Variants in TPCN1 observed in about 807,000 individuals in gnomAD.
TPCN1 encodes two pore segment channel 1, also known as two pore channel protein 1.
In TPCN1, 52 loss-of-function variants were observed where a neutral mutation model predicts 108.8. The observed-to-expected ratio is 0.48, with a 90% CI of 0.38 to 0.60. TPCN1 has a LOEUF of 0.60. Among genes scored for constraint, TPCN1 ranks in the 20% least tolerant of loss-of-function variants. The pLI is 0.00. For synonymous variants in TPCN1, 446 were observed against 433.7 expected (o/e 1.03, Z -0.35); for missense variants, 806 against 1,072.8 (o/e 0.75, Z 3.47).
chr12:113,278,153 C>T (rs1377485971), intron 12 of TPCN1, 36 bp from the exon 13 acceptor site: 4 of 1,587,034 alleles, frequency 2.5e-6, no homozygotes, highest in Non-Finnish European at 3.5e-6. Flanking sequence ...GAACTATGTT[C>T]TGATATTTTG....
In TPCN1 at chr12:113,295,890, TGACCTTGTGG is replaced by T. The variant is rs1033775400; in HGVS notation, c.2335-68_2335-59del. On this transcript the variant is annotated intron_variant, in intron 27 of 27. Coordinates refer to ENST00000335509, the MANE Select transcript of TPCN1 (RefSeq NM_017901.6). ...TCCAGCCTGGATGCTGTGGGCTGTGTGACCTTGTGGGGTGGGCGGGGCAGGGGGTGGGGTG... is the reference window on the plus strand; with the variant it reads ...TCCAGCCTGGATGCTGTGGGCTGTGTGGTGGGCGGGGCAGGGGGTGGGGTG... 2,341 of 1,462,154 alleles carry T rather than the reference TGACCTTGTGG, an allele frequency of 1.6e-3. 3 individuals carry two copies. The highest frequency in any genetic ancestry group is 2.0e-3 in the Non-Finnish European group (2,152 of 1,085,634). 90.6% of individuals were successfully genotyped at this position (1,462,154 alleles called of 1,614,324 possible).
intron 10 of TPCN1, among the ~76,000 whole-genome samples, chr12:113,274,281 T>C (rs2136658222): frequency 6.6e-6 from 1 of 152,178 alleles, no homozygotes; most frequent in East Asian, 1.9e-4. Flanking sequence ...GGTGAAACCC[T>C]GTCTCTACTT....
intron 2 of TPCN1, among the ~76,000 whole-genome samples, chr12:113,258,057 T>G (rs1462202081): frequency 1.3e-5 from 2 of 152,234 alleles, no homozygotes; most frequent in Non-Finnish European, 2.9e-5. Context: ...ATGGATATGT[T>G]ATCTTGATTG....
In TPCN1 at chr12:113,273,203, C is replaced by G; in HGVS notation, c.784-29C>G. The G allele has an allele frequency of 6.2e-7, 1 of 1,612,640 alleles. No homozygotes were observed. Among genetic ancestry groups the G allele is most frequent in the Non-Finnish European group, 8.5e-7 (1 of 1,178,592 alleles). On this transcript the variant is annotated intron_variant, in intron 8 of 27. Coordinates refer to ENST00000335509, the MANE Select transcript of TPCN1 (RefSeq NM_017901.6). The surrounding 1 kb of genome is among the most constrained non-coding windows in gnomAD (Gnocchi z 4.0). ...ATGGCCGTGTGCTCTTGGCTGGTCCCGACTTCTCTGCCCTCTCTTCCCTTG... is the reference window on the plus strand; with the variant it reads ...ATGGCCGTGTGCTCTTGGCTGGTCCGGACTTCTCTGCCCTCTCTTCCCTTG...
At position 113,260,414 on chromosome 12, in the gene TPCN1, C is replaced by T. The variant is rs374047898; in HGVS notation, c.159C>T (p.Ser53=). ...AIHDSQAPSL[S]SGGESSPSSP... is the part of the protein sequence containing the mutation. Reference sequence around the variant, plus strand: ...ACGACTCCCAGGCCCCCAGTCTCAGCTCTGGGGGTGAGAGTTCCCCCTCCA... The same window carrying T: ...ACGACTCCCAGGCCCCCAGTCTCAGTTCTGGGGGTGAGAGTTCCCCCTCCA... The change falls in exon 3 of 28, where the codon AGC becomes AGT. Residue 53 remains serine, a synonymous_variant. Coordinates refer to ENST00000335509, the MANE Select transcript of TPCN1 (RefSeq NM_017901.6). The T allele has an allele frequency of 1.3e-6, 2 of 1,546,872 alleles. No homozygotes were observed. The highest frequency in any genetic ancestry group is 2.8e-5 in the African/African-American group (2 of 70,180).
rs573023247 is a variant in TPCN1 at position 113,266,673 on chromosome 12, C to G, written c.414+317C>G. ...GGGCACCCAGTGGACAGTCCCACTA[C>G]TCTGTCTCCAGCCTCAAAGGAGAAG... On this transcript the variant is annotated intron_variant, in intron 4 of 27. Coordinates refer to ENST00000335509, the MANE Select transcript of TPCN1 (RefSeq NM_017901.6). The surrounding 1 kb of genome is among the most constrained non-coding windows in gnomAD (Gnocchi z 4.2). 2.0e-5 allele frequency among the ~76,000 whole-genome samples: 3 copies of G among 152,350 alleles called. No individual in the cohort carries two copies. The highest frequency in any genetic ancestry group is 7.2e-5 in the African/African-American group (3 of 41,580).
intron 7 of TPCN1, among the ~76,000 whole-genome samples, chr12:113,270,998 T>C (rs1215182253): frequency 6.6e-6 from 1 of 152,158 alleles, no homozygotes; most frequent in Non-Finnish European, 1.5e-5. Flanking sequence ...TGTCCCACGC[T>C]GATTGTCGCA....
chr12:113,283,078 A>C (rs1555269469), intron 15 of TPCN1, among the ~76,000 whole-genome samples: 1 of 151,996 alleles, frequency 6.6e-6, no homozygotes, highest in Non-Finnish European at 1.5e-5. Flanking sequence ...CTCCATCTCA[A>C]GAAAAAGCAA....
In TPCN1 at chr12:113,272,695, A is replaced by T. The variant is rs1955544180; in HGVS notation, c.783+3A>T. 2 of 1,613,466 alleles carry T rather than the reference A, an allele frequency of 1.2e-6. No homozygotes were observed. The highest frequency in any genetic ancestry group is 1.7e-6 in the Non-Finnish European group (2 of 1,179,362). On this transcript the variant is annotated splice_donor_region_variant and intron_variant, in intron 8 of 27. Transcript: ENST00000335509. This position sits in a 1 kb window ranked among gnomAD's most constrained non-coding sequence, Gnocchi z 4.1. The stretch of plus-strand genomic sequence containing the variant: ...TCTCCCCTAACCCTTCAGACCCCGT[A>T]AGTAATCAGCACATTTGTCCGTCTC...
rs1355746049 is a variant in TPCN1 at position 113,273,252 on chromosome 12, C to T, written c.804C>T (p.Asn268=). The change falls in exon 9 of 28, where the codon AAC becomes AAT. Residue 268 remains asparagine, a synonymous_variant. Coordinates refer to ENST00000335509, the MANE Select transcript of TPCN1 (RefSeq NM_017901.6). The surrounding 1 kb of genome is among the most constrained non-coding windows in gnomAD (Gnocchi z 4.0). ...TGCAGTACTTCAGCACCCTGGAGAACAGCATCGTCAGTCTGTTTGTCCTTC... is the reference window on the plus strand; with the variant it reads ...TGCAGTACTTCAGCACCCTGGAGAATAGCATCGTCAGTCTGTTTGTCCTTC... ...PSDPYFSTLE[N]SIVSLFVLLT... 2.5e-6 allele frequency: 4 copies of T among 1,614,236 alleles called. No homozygotes were observed. Among genetic ancestry groups the T allele is most frequent in the East Asian group, 2.2e-5 (1 of 44,886 alleles).
At chr12:113,264,400 C>T (rs1426436504) in intron 3 of TPCN1, among the ~76,000 whole-genome samples, 2 of 152,134 alleles carry the variant, frequency 1.3e-5, no homozygotes, top group East Asian at 1.9e-4. Context: ...GAGAATGGGC[C>T]GAGCATGGTG....
chr12:113,282,852 G>A (rs747379412), intron 15 of TPCN1, among the ~76,000 whole-genome samples: 34 of 152,272 alleles, frequency 2.2e-4, no homozygotes, highest in South Asian at 6.2e-4. Context: ...TTGGGAGGCC[G>A]AGGCGGGCAG....
At position 113,269,308 on chromosome 12, in the gene TPCN1, G is replaced by A. The variant is rs992521465; in HGVS notation, c.659+436G>A. 6.6e-5 allele frequency among the ~76,000 whole-genome samples: 10 copies of A among 152,232 alleles called. No homozygotes were observed. Among genetic ancestry groups the A allele is most frequent in the African/African-American group, 2.4e-4 (10 of 41,454 alleles). On this transcript the variant is annotated intron_variant, in intron 6 of 27. Transcript: ENST00000335509. This position sits in a 1 kb window ranked among gnomAD's most constrained non-coding sequence, Gnocchi z 5.0. ...ATTCCTTGGCTGGGCTACTGTTGCT[G>A]AGAGTGGGTTTGCAATTCATTCTCT...
Position 113,288,555 on chromosome 12 carries a change from A to G in TPCN1, c.1707-203A>G. 6.8e-7 allele frequency: 1 copy of G among 1,471,916 alleles called. No individual in the cohort carries two copies. 91.2% of individuals were successfully genotyped at this position (1,471,916 alleles called of 1,614,324 possible). A position where few individuals can be genotyped will look rare whatever the true frequency, so the allele number is the denominator to read the frequency against. Reference sequence around the variant, plus strand: ...AGGGGTGAATCTCTGGGAAAGGGGCATTTGTTCATAGCGTCCTGACTTGAG... The same window carrying G: ...AGGGGTGAATCTCTGGGAAAGGGGCGTTTGTTCATAGCGTCCTGACTTGAG... On this transcript the variant is annotated intron_variant, in intron 20 of 27. Coordinates refer to ENST00000335509, the MANE Select transcript of TPCN1 (RefSeq NM_017901.6). This position sits in a 1 kb window ranked among gnomAD's most constrained non-coding sequence, Gnocchi z 4.8.
At chr12:113,227,863 C>G (rs914804123) in intron 2 of TPCN1, among the ~76,000 whole-genome samples, 19 of 152,086 alleles carry the variant, frequency 1.2e-4, no homozygotes, top group African/African-American at 4.6e-4. Context: ...TGGTGGCCTC[C>G]CCTGGGAACT....
At chr12:113,282,265 G>C (rs1955913012) in intron 15 of TPCN1, among the ~76,000 whole-genome samples, 1 of 151,160 alleles carries the variant, frequency 6.6e-6, no homozygotes, top group Non-Finnish European at 1.5e-5. Flanking sequence ...TAATTTTTTT[G>C]TATTTTTAAT....
chr12:113,242,414 C>T (rs893014486), intron 2 of TPCN1, among the ~76,000 whole-genome samples: 12 of 152,158 alleles, frequency 7.9e-5, no homozygotes, highest in East Asian at 1.9e-4. Context: ...CTTGGCTGCC[C>T]GTCGTTTCCT....
At position 113,296,159 on chromosome 12, in the gene TPCN1, C is replaced by T. The variant is rs1447719571; in HGVS notation, c.*83C>T. Reference sequence around the variant, plus strand: ...GATGTACGGAACTGCGGTGTGTGTACACATACTCACGTATATGCACATATT... The same window carrying T: ...GATGTACGGAACTGCGGTGTGTGTATACATACTCACGTATATGCACATATT... On this transcript the variant is annotated 3_prime_UTR_variant, in exon 28 of 28. Coordinates refer to ENST00000335509, the MANE Select transcript of TPCN1 (RefSeq NM_017901.6). 2.6e-6 allele frequency: 4 copies of T among 1,547,170 alleles called. No homozygotes were observed. The highest frequency in any genetic ancestry group is 3.5e-6 in the Non-Finnish European group (4 of 1,136,948).
In TPCN1 at chr12:113,266,242, C is replaced by T; in HGVS notation, c.300C>T (p.Tyr100=). ...AGGATGCCAAGGCGCTGGCGGCCTA[C>T]CTCTTTGCACACAATCACCTCTTCT... The part of the protein sequence containing the change: ...HPKDAKALAA[Y]LFAHNHLFYL... The change falls in exon 4 of 28, where the codon TAC becomes TAT. Residue 100 remains tyrosine (Y), a synonymous_variant. Transcript: ENST00000335509. This position sits in a 1 kb window ranked among gnomAD's most constrained non-coding sequence, Gnocchi z 4.2. The T allele has an allele frequency of 6.2e-7, 1 of 1,614,150 alleles. No homozygotes were observed. The highest frequency in any genetic ancestry group is 8.5e-7 in the Non-Finnish European group (1 of 1,180,038).
Sources: gnomAD v4.1 joint callset for allele counts (sites outside exome capture counted in the v4.1 genomes callset) on GRCh38, gnomAD v4.1.1 for gene constraint, Gnocchi (gnomAD v3.1) non-coding constraint, MANE v1.5 for transcripts, NCBI Gene and HGNC (gene_info 2026-07-23, HGNC 2026-07-21) for gene names.